TLE6: variants seen among roughly 807,000 people sequenced by gnomAD.
TLE6 encodes the protein transducin-like enhancer protein 6.
Under a neutral mutation model 77.1 loss-of-function variants are expected in TLE6, and 72 were observed. The ratio of observed to expected loss-of-function variants is 0.93; its 90% CI spans 0.77 to 1.14. TLE6 has a LOEUF of 1.14. Among genes scored for constraint, TLE6 ranks in the 50% most tolerant of loss-of-function variants. The pLI is 0.00. For missense variants in TLE6, 843 were observed against 747.6 expected, an observed-to-expected ratio of 1.13 and a Z score of -1.49; for synonymous variants, 366 against 287.3, an observed-to-expected ratio of 1.27 and a Z score of -2.77.
At chr19:2,992,812 G>A (rs769976652) in intron 14 of TLE6, among the ~76,000 whole-genome samples, 6 of 98,524 alleles carry the variant, frequency 6.1e-5, no homozygotes, top group East Asian at 6.0e-4. Flanking sequence ...GGCGGGTGGG[G>A]GGGGGGGAGG....
chr19:2,982,616 C>A (rs1217874171), intron 5 of TLE6, among the ~76,000 whole-genome samples: 2 of 150,006 alleles, frequency 1.3e-5, no homozygotes, highest in African/African-American at 2.5e-5. Context: ...GCCTTGTGGG[C>A]CGTGGGAAGG....
intron 15 of TLE6, 74 bp from the exon 16 acceptor site, chr19:2,993,942 AGGT>A: frequency 1.2e-6 from 1 of 810,056 alleles, no homozygotes. Context: ...AAAAAAAAAA[AGGT>A]GGGTGGGGAG....
rs2089004132 is a variant in TLE6, at chr19:2,989,803, G to A, written c.1244+18G>A. 6.2e-7 allele frequency: 1 copy of A among 1,611,866 alleles called. No homozygotes were observed. Among genetic ancestry groups the A allele is most frequent in the Non-Finnish European group, 8.5e-7 (1 of 1,178,346 alleles). ...GTGGTCAGGTGCGTTTGGGGGGTGGGAAGGGGAAGCATCCTGTGCCAGCCT... is the reference window on the plus strand; with the variant it reads ...GTGGTCAGGTGCGTTTGGGGGGTGGAAAGGGGAAGCATCCTGTGCCAGCCT... On this transcript the variant is annotated intron_variant, in intron 13 of 16. Transcript: ENST00000246112.
At chr19:2,984,716 C>T (rs2088872454) in intron 5 of TLE6, among the ~76,000 whole-genome samples, 1 of 152,050 alleles carries the variant, frequency 6.6e-6, no homozygotes, top group Non-Finnish European at 1.5e-5. Context: ...GATCCGCCCG[C>T]CTCAGCCTCT....
At chr19:2,979,686 A>AT (rs1352568763) in intron 2 of TLE6, among the ~76,000 whole-genome samples, 1 of 151,732 alleles carries the variant, frequency 6.6e-6, no homozygotes, top group Non-Finnish European at 1.5e-5. Flanking sequence ...CATGCCTGTC[A>AT]TTCCAGCACT....
At chr19:2,983,279 C>T (rs1157079197) in intron 5 of TLE6, among the ~76,000 whole-genome samples, 2 of 152,182 alleles carry the variant, frequency 1.3e-5, no homozygotes, top group South Asian at 2.1e-4. Flanking sequence ...CAAAGAACGA[C>T]GCAGAGCTTC....
chr19:2,993,841 G>A (rs912572836), intron 15 of TLE6, among the ~76,000 whole-genome samples, 178 bp from the exon 16 acceptor site: 9 of 147,960 alleles, frequency 6.1e-5, no homozygotes, highest in South Asian at 2.3e-4. Context: ...CCATGAGCCC[G>A]GGGAGGCTGA....
Position 2,992,793 on chromosome 19 carries a change from A to AACGGGGGC in TLE6, c.1387-639_1387-638insACGGGGGC, listed in dbSNP as rs1487334518. Among the ~76,000 whole-genome samples the AACGGGGGC allele has an allele frequency of 5.1e-4, 10 of 19,752 alleles. 4 individuals are homozygous for AACGGGGGC. Among genetic ancestry groups the AACGGGGGC allele is most frequent in the Non-Finnish European group, 5.7e-4 (7 of 12,372 alleles). 13.0% of individuals were successfully genotyped at this position (19,752 alleles called of 152,430 possible). A position where few individuals can be genotyped will look rare whatever the true frequency, so the allele number is the denominator to read the frequency against. ...AGACCCTGTCTCAAAAAAAAAAAAA[A>AACGGGGGC]GGGGGGGAGGCGGGTGGGGGGGGGG... On this transcript the variant is annotated intron_variant, in intron 14 of 16. Transcript: ENST00000246112.
intron 5 of TLE6, among the ~76,000 whole-genome samples, 191 bp downstream of exon 5, chr19:2,982,380 A>G (rs1172856158): frequency 2.6e-5 from 4 of 151,802 alleles, no homozygotes; most frequent in Non-Finnish European, 5.9e-5. Context: ...TCTACTAAAA[A>G]TAAAAAAATT....
intron 5 of TLE6, among the ~76,000 whole-genome samples, chr19:2,985,388 C>G (rs2088885093): frequency 7.0e-6 from 1 of 142,874 alleles, no homozygotes; most frequent in Non-Finnish European, 1.5e-5. Flanking sequence ...TGCTGTTTTG[C>G]TGCTTGAAGC....
rs1256116687 is a variant in TLE6, at chr19:2,987,138, C to G, written c.441C>G (p.Phe147Leu). Residue 147 changes from phenylalanine to leucine, a missense_variant, in exon 7 of 17, where the codon TTC becomes TTG. Coordinates refer to ENST00000246112, the MANE Select transcript of TLE6 (RefSeq NM_001143986.2). ...GEDNQPETQL[F>L]WDKEPWFWHD... ...ACAATCAGCCGGAGACCCAGCTGTT[C>G]TGGGACAAGGAGCCTTGGTTTTGGC... 2 of 1,613,964 alleles carry G rather than the reference C, an allele frequency of 1.2e-6. No homozygotes were observed. Among genetic ancestry groups the G allele is most frequent in the East Asian group, 2.2e-5 (1 of 44,896 alleles).
chr19:2,987,499 CG>C, intron 8 of TLE6, 127 bp downstream of exon 8: 28 of 1,410,110 alleles, frequency 2.0e-5, no homozygotes, highest in Non-Finnish European at 2.1e-5. Flanking sequence ...TCGGGTCCCC[CG>C]GGGGGGACTT....
intron 5 of TLE6, among the ~76,000 whole-genome samples, chr19:2,986,295 A>C (rs1008485797): frequency 3.3e-5 from 5 of 151,564 alleles, no homozygotes; most frequent in African/African-American, 1.2e-4. Flanking sequence ...GCATACCTGT[A>C]ACCCCAGCTA....
In TLE6 at chr19:2,994,050, C is replaced by T. The variant is rs1271643838; in HGVS notation, c.1569C>T (p.Asp523=). Residue 523 remains aspartate (D), a synonymous_variant, in exon 16 of 17, where the codon GAC becomes GAT. Coordinates refer to ENST00000246112, the MANE Select transcript of TLE6 (RefSeq NM_001143986.2). The part of the protein sequence containing the change: ...GQWWASVGMD[D]FLGVYSMPAG... ...GGTGGGCAAGCGTTGGAATGGACGA[C>T]TTCCTTGGCGTCTACAGCATGCCGG... The T allele has an allele frequency of 1.2e-6, 2 of 1,607,880 alleles. No homozygotes were observed. Among genetic ancestry groups the T allele is most frequent in the East Asian group, 4.5e-5 (2 of 44,732 alleles).
At chr19:2,990,656 C>CATAAAT (rs1555686084) in intron 13 of TLE6, among the ~76,000 whole-genome samples, 1 of 67,008 alleles carries the variant, frequency 1.5e-5, no homozygotes, top group African/African-American at 1.3e-4. Flanking sequence ...TATATAAATA[C>CATAAAT]ATAAATATAT....
chr19:2,993,205 C>T (rs143390464), intron 14 of TLE6, among the ~76,000 whole-genome samples: 329 of 152,202 alleles, frequency 2.2e-3, no homozygotes, highest in African/African-American at 7.5e-3. Flanking sequence ...AGCGAGACTC[C>T]GTCTCAAAAT....
chr19:2,981,865 G>A (rs1203858117), intron 4 of TLE6, among the ~76,000 whole-genome samples: 5 of 152,018 alleles, frequency 3.3e-5, no homozygotes, highest in Admixed American at 6.6e-5. Flanking sequence ...CCAGCTACTC[G>A]GGAGGCTGAG....
chr19:2,979,759 T>C (rs1164676719), intron 2 of TLE6, among the ~76,000 whole-genome samples: 6 of 133,872 alleles, frequency 4.5e-5, no homozygotes, highest in African/African-American at 1.4e-4. Context: ...GCCAAGATGG[T>C]GAAACCCCAT....
chr19:2,981,250 C>T (rs2088791783), intron 3 of TLE6, among the ~76,000 whole-genome samples: 1 of 151,216 alleles, frequency 6.6e-6, no homozygotes, highest in South Asian at 2.1e-4. Flanking sequence ...ATCCCAGCTA[C>T]TCGGGAGGTC....
Sources: gnomAD v4.1 joint callset for allele counts (sites outside exome capture counted in the v4.1 genomes callset) on GRCh38, gnomAD v4.1.1 for gene constraint, MANE v1.5 for transcripts, NCBI Gene and HGNC (gene_info 2026-07-23, HGNC 2026-07-21) for gene names.